Variants in KANTR observed in about 807,000 individuals in gnomAD.
KANTR encodes KDM5C adjacent transcript.
downstream of KANTR, chrX:53,143,267 G>A (rs1317004837): frequency 3.5e-5 from 21 of 598,591 alleles, no homozygotes; most frequent in Non-Finnish European, 4.3e-5. Context: ...AGTCCAGGGC[G>A]ATGTAGCACA....
chrX:53,133,095 C>T (rs1233896470), intron 2 of KANTR, among the ~76,000 whole-genome samples: 2 of 110,486 alleles, frequency 1.8e-5, no homozygotes, highest in African/African-American at 3.3e-5. Context: ...TTGCCAGTCA[C>T]GGTGGCTCAC....
downstream of KANTR, among the ~76,000 whole-genome samples, chrX:53,129,599 G>A (rs73634285): frequency 0.021 from 2,274 of 109,384 alleles, 55 homozygotes; most frequent in African/African-American, 0.071. Context: ...TAGGACACTC[G>A]TCTGGTTTCT....
exon 3 of KANTR, chrX:53,142,639 C>T: frequency 2.1e-5 from 7 of 330,131 alleles, no homozygotes; most frequent in Non-Finnish European, 4.1e-5. Context: ...AAGGCTTATT[C>T]CAGTTTTGTG....
At chrX:53,095,733 C>T (rs1932840942) in intron 1 of KANTR, among the ~76,000 whole-genome samples, 1 of 111,426 alleles carries the variant, frequency 9.0e-6, no homozygotes, top group Non-Finnish European at 1.9e-5. Flanking sequence ...TCAGAAGCCA[C>T]AGGTAGAGTG....
At chrX:53,105,992 G>A (rs373922861) in intron 2 of KANTR, among the ~76,000 whole-genome samples, 1 of 104,272 alleles carries the variant, frequency 9.6e-6, no homozygotes, top group Admixed American at 1.0e-4. Flanking sequence ...CAAGTAGCTG[G>A]GACTACAGGC....
intron 2 of KANTR, among the ~76,000 whole-genome samples, chrX:53,116,407 C>A (rs1933124659): frequency 1.8e-5 from 2 of 112,102 alleles, no homozygotes; most frequent in African/African-American, 6.5e-5. Context: ...CTTTCCTTGG[C>A]GTGCATATAG....
chrX:53,104,458 C>A (rs1007951631), intron 2 of KANTR, among the ~76,000 whole-genome samples: 1 of 109,983 alleles, frequency 9.1e-6, no homozygotes, highest in Non-Finnish European at 1.9e-5. Flanking sequence ...AACTCCTGAC[C>A]TCAAGTGATC....
chrX:53,101,243 C>T (rs1486520019), intron 2 of KANTR, among the ~76,000 whole-genome samples: 5 of 112,756 alleles, frequency 4.4e-5, no homozygotes, highest in Admixed American at 9.4e-5. Context: ...GCCTAGCCTT[C>T]GGCCTCTCTC....
chrX:53,140,710 C>G, intron 2 of KANTR, among the ~76,000 whole-genome samples: 1 of 110,919 alleles, frequency 9.0e-6, no homozygotes, highest in Admixed American at 9.7e-5. Flanking sequence ...CAAGCCTTCT[C>G]TCATTAAAGT....
chrX:53,117,307 A>G lies in KANTR; in HGVS notation c.-804-6162A>G, dbSNP rs1224074343. ...AAACAAACAAACAAAAAAACAATAT[A>G]TACATTATATACACAAGTTATAAGT... On this transcript the variant is annotated intron_variant, in intron 2 of 2. Transcript: ENST00000604062. Among the ~76,000 whole-genome samples, 6 of 110,756 alleles carry G rather than the reference A, an allele frequency of 5.4e-5. No individual in the cohort carries two copies. In the Admixed American group the frequency reaches 5.8e-4, roughly 11 times the overall value.
downstream of KANTR, among the ~76,000 whole-genome samples, chrX:53,145,372 G>A (rs1378425747): frequency 2.7e-5 from 3 of 112,098 alleles, no homozygotes; most frequent in Non-Finnish European, 3.8e-5. Flanking sequence ...CCCCTGGCTC[G>A]GAGGGTCCTA....
intron 1 of KANTR, among the ~76,000 whole-genome samples, chrX:53,095,732 AC>A (rs1556810749): frequency 9.0e-6 from 1 of 111,600 alleles, no homozygotes; most frequent in Non-Finnish European, 1.9e-5. Flanking sequence ...TTCAGAAGCC[AC>A]AGGTAGAGTG....
At chrX:53,111,473 A>T (rs190576964) in intron 2 of KANTR, among the ~76,000 whole-genome samples, 8 of 111,816 alleles carry the variant, frequency 7.2e-5, no homozygotes, top group African/African-American at 2.3e-4. Flanking sequence ...CTGTTAACAA[A>T]TTATTGTAGA....
chrX:53,095,030 G>T (rs1932836279), intron 1 of KANTR, among the ~76,000 whole-genome samples: 1 of 111,849 alleles, frequency 8.9e-6, no homozygotes, highest in Admixed American at 9.5e-5. Flanking sequence ...TTACCCCCGA[G>T]GACATGAGCT....
At chrX:53,142,986 C>T (rs782084878), downstream of KANTR, 321 of 1,048,092 alleles carry the variant, frequency 3.1e-4, 2 homozygotes, top group Non-Finnish European at 3.1e-4. Context: ...TGGATGCCAG[C>T]GTGGTGATGC....
chrX:53,116,224 C>T, intron 2 of KANTR, among the ~76,000 whole-genome samples: 1 of 111,705 alleles, frequency 9.0e-6, no homozygotes, highest in Non-Finnish European at 1.9e-5. Flanking sequence ...AGAATGTATC[C>T]TTAAATGCCT....
intron 2 of KANTR, among the ~76,000 whole-genome samples, chrX:53,104,302 C>T (rs1399594148): frequency 9.0e-6 from 1 of 110,680 alleles, no homozygotes; most frequent in Non-Finnish European, 1.9e-5. Flanking sequence ...TCTCGGCTCA[C>T]TGCAACTTCT....
exon 3 of KANTR, chrX:53,124,659 G>A (rs1933271212): frequency 3.5e-6 from 1 of 281,955 alleles, no homozygotes; most frequent in African/African-American, 2.8e-5. Context: ...TTTCTATCAA[G>A]GTTACTTCTT....
chrX:53,130,030 A>G (rs1357342999), downstream of KANTR, among the ~76,000 whole-genome samples: 1 of 109,208 alleles, frequency 9.2e-6, no homozygotes, highest in Admixed American at 9.9e-5. Context: ...TCACACACGG[A>G]TAATTTTTGT....
Sources: allele counts gnomAD v4.1 joint callset (sites outside exome capture counted in the v4.1 genomes callset), GRCh38; gene constraint gnomAD v4.1.1; transcripts MANE v1.5; gene names NCBI Gene and HGNC (gene_info 2026-07-23, HGNC 2026-07-21).